Variants in BYSL observed in about 807,000 individuals in gnomAD.
BYSL encodes bystin.
In BYSL, 21 loss-of-function variants were observed where a neutral mutation model predicts 45.4. That is an observed-to-expected ratio of 0.46 (90% CI 0.33 to 0.67). BYSL has a LOEUF of 0.67. Ranked by LOEUF, BYSL falls within the 30% of genes least tolerant of loss-of-function variation. BYSL has a pLI of 0.02. For missense variants in BYSL, 522 were observed against 578.5 expected (o/e 0.90, Z 1.00); for synonymous variants, 215 against 231.3 (o/e 0.93, Z 0.64).
At chr6:41,927,026 G>A (rs1028066315) in intron 1 of BYSL, among the ~76,000 whole-genome samples, 1 of 151,158 alleles carries the variant, frequency 6.6e-6, no homozygotes, top group Admixed American at 6.6e-5. Context: ...CCCGGGAGGC[G>A]GAGCTTGCAG....
the BYSL span, among the ~76,000 whole-genome samples, chr6:41,910,903 G>A: frequency 4.1e-3 from 630 of 151,928 alleles, 7 homozygotes; most frequent in African/African-American, 0.014. Flanking sequence ...GAGGTCAGGA[G>A]TTCGAGACCA....
chr6:41,921,172 C>T (rs1178383686), upstream of BYSL: 3 of 976,204 alleles, frequency 3.1e-6, no homozygotes, highest in African/African-American at 3.4e-5. Flanking sequence ...ACGCCTTCCC[C>T]AAGGAATGGG....
chr6:41,927,390 G>A lies in BYSL; in HGVS notation c.285G>A (p.Gln95=), dbSNP rs1277562275. The A allele has an allele frequency of 2.5e-6, 4 of 1,614,128 alleles. No individual in the cohort carries two copies. The highest frequency in any genetic ancestry group is 3.4e-6 in the Non-Finnish European group (4 of 1,180,012). Residue 95 remains glutamine, a synonymous_variant, in exon 2 of 7, where the codon CAG becomes CAA. Coordinates refer to ENST00000230340, the MANE Select transcript of BYSL (RefSeq NM_004053.4). ...RTTRLGPRMP[Q]DGSDDEDEEW... ...CTCTTCTAGGTCCAAGAATGCCTCA[G>A]GATGGATCAGATGACGAGGACGAGG...
At position 41,921,582 on chromosome 6, in the gene BYSL, C is replaced by T; in HGVS notation, c.20C>T (p.Ala7Val). 3 of 1,583,326 alleles carry T rather than the reference C, an allele frequency of 1.9e-6. No individual in the cohort carries two copies. Among genetic ancestry groups the T allele is most frequent in the Non-Finnish European group, 2.6e-6 (3 of 1,163,102 alleles). Residue 7 changes from alanine (A) to valine (V), a missense_variant, in exon 1 of 7, where the codon GCC (alanine) becomes GTC (valine). Coordinates refer to ENST00000230340, the MANE Select transcript of BYSL (RefSeq NM_004053.4). ...AGAAAAATGCCCAAATTCAAGGCGG[C>T]CCGTGGGGTGGGGGGTCAGGAAAAA... MPKFKA[A>V]RGVGGQEKHA... is the part of the protein sequence containing the mutation.
At position 41,921,587 on chromosome 6, in the gene BYSL, G is replaced by T; in HGVS notation, c.25G>T (p.Gly9Trp). MPKFKAAR[G>W]VGGQEKHAPL... is the part of the protein sequence containing the mutation. ...AATGCCCAAATTCAAGGCGGCCCGTGGGGTGGGGGGTCAGGAAAAACATGC... is the reference window on the plus strand; with the variant it reads ...AATGCCCAAATTCAAGGCGGCCCGTTGGGTGGGGGGTCAGGAAAAACATGC... Residue 9 changes from glycine to tryptophan, a missense_variant, in exon 1 of 7, where the codon GGG becomes TGG. Gly to Trp is a radical substitution (Grantham distance 184). Coordinates refer to ENST00000230340, the MANE Select transcript of BYSL (RefSeq NM_004053.4). The T allele has an allele frequency of 6.3e-7, 1 of 1,585,544 alleles. No individual in the cohort carries two copies. The highest frequency in any genetic ancestry group is 1.1e-5 in the South Asian group (1 of 88,826).
chr6:41,924,429 A>G (rs1775535975), intron 1 of BYSL, among the ~76,000 whole-genome samples: 1 of 152,152 alleles, frequency 6.6e-6, no homozygotes, highest in South Asian at 2.1e-4. Context: ...TGTCTCTTCC[A>G]TTTAGACAGG....
intron 2 of BYSL, among the ~76,000 whole-genome samples, chr6:41,928,522 T>C (rs1244799204): frequency 1.3e-5 from 2 of 152,212 alleles, no homozygotes; most frequent in Non-Finnish European, 2.9e-5. Context: ...TCATAACTCC[T>C]ACTTCACTGA....
chr6:41,930,699 A>C lies in BYSL; in HGVS notation c.635A>C (p.Asn212Thr), dbSNP rs757062081. The change falls in exon 4 of 7, where the codon AAC becomes ACC. Residue 212 changes from asparagine (N) to threonine (T), a missense_variant. Asn to Thr is a moderately conservative substitution (Grantham distance 65). Coordinates refer to ENST00000230340, the MANE Select transcript of BYSL (RefSeq NM_004053.4). ...KAFKIIPALS[N>T]WEQILYVTEP... ...TTTAAGATCATCCCTGCACTCTCCA[A>C]CTGGGAGCAAATCCTCTACGTCACA... 6.2e-7 allele frequency: 1 copy of C among 1,614,062 alleles called. No individual in the cohort carries two copies. Among genetic ancestry groups the C allele is most frequent in the East Asian group, 2.2e-5 (1 of 44,868 alleles).
chr6:41,920,787 AC>A, upstream of BYSL: 37 of 499,698 alleles, frequency 7.4e-5, no homozygotes, highest in East Asian at 1.0e-3. Flanking sequence ...ACAAAACAAA[AC>A]AAAAAAAAAA....
At chr6:41,918,775 G>A (rs1294071179), upstream of BYSL, among the ~76,000 whole-genome samples, 2 of 150,154 alleles carry the variant, frequency 1.3e-5, no homozygotes, top group Non-Finnish European at 3.0e-5. Flanking sequence ...GTGAAACCCC[G>A]TCTCTACTAA....
At chr6:41,914,088 C>T in the BYSL span, among the ~76,000 whole-genome samples, 14 of 152,126 alleles carry the variant, frequency 9.2e-5, no homozygotes, top group African/African-American at 3.1e-4. Flanking sequence ...AACAAATACA[C>T]GGGTTGGAAG....
upstream of BYSL, chr6:41,920,887 C>G (rs577765780): frequency 5.9e-5 from 80 of 1,359,880 alleles, 1 homozygote; most frequent in South Asian, 1.2e-3. Flanking sequence ...ATCCTCTCAT[C>G]TACACAACCC....
At chr6:41,929,594 T>G (rs529755309) in intron 2 of BYSL, among the ~76,000 whole-genome samples, 1 of 152,184 alleles carries the variant, frequency 6.6e-6, no homozygotes, top group Non-Finnish European at 1.5e-5. Context: ...AAGATAAGAT[T>G]ATGTTTGATA....
Position 41,921,750 on chromosome 6 carries a change from G to C in BYSL, c.188G>C (p.Arg63Pro). Residue 63 changes from arginine to proline, a missense_variant, in exon 1 of 7, where the codon CGG (arginine) becomes CCG (proline). Arg to Pro is a moderately radical substitution (Grantham distance 103). Transcript: ENST00000230340. ...RLSRRILQQA[R>P]QQQEELEAEH... Reference sequence around the variant, plus strand: ...AGCCGACGGATTTTGCAGCAAGCACGGCAGCAACAGGAGGAACTCGAGGCC... The same window carrying C: ...AGCCGACGGATTTTGCAGCAAGCACCGCAGCAACAGGAGGAACTCGAGGCC... 6.2e-7 allele frequency: 1 copy of C among 1,613,612 alleles called. No homozygotes were observed. Among genetic ancestry groups the C allele is most frequent in the Non-Finnish European group, 8.5e-7 (1 of 1,179,906 alleles).
intron 1 of BYSL, among the ~76,000 whole-genome samples, chr6:41,927,075 CAG>C (rs963327454): frequency 7.0e-6 from 1 of 143,718 alleles, no homozygotes; most frequent in Non-Finnish European, 1.5e-5. Flanking sequence ...GTGTGGGTGA[CAG>C]AGCAAGACTC....
chr6:41,921,070 C>T, upstream of BYSL: 1 of 1,604,424 alleles, frequency 6.2e-7, no homozygotes, highest in Non-Finnish European at 8.5e-7. Context: ...GCAGGGTTCC[C>T]TGTCCGCCCA....
chr6:41,923,535 C>T (rs1462555039), intron 1 of BYSL, among the ~76,000 whole-genome samples: 1 of 152,024 alleles, frequency 6.6e-6, no homozygotes, highest in Admixed American at 6.5e-5. Context: ...GACTTCAGGT[C>T]ATCGTCCACC....
chr6:41,924,699 T>C (rs922525542), intron 1 of BYSL, among the ~76,000 whole-genome samples: 1 of 152,292 alleles, frequency 6.6e-6, no homozygotes, highest in African/African-American at 2.4e-5. Context: ...GGGAAGCTAC[T>C]GGAGAATTTT....
At chr6:41,909,614 C>G in the BYSL span, 7 of 1,537,638 alleles carry the variant, frequency 4.6e-6, no homozygotes, top group East Asian at 1.4e-4. Context: ...TGAGGCCAGA[C>G]AGCAATCTGG....
Sources: allele counts gnomAD v4.1 joint callset (sites outside exome capture counted in the v4.1 genomes callset), GRCh38; gene constraint gnomAD v4.1.1; transcripts MANE v1.5; gene names NCBI Gene and HGNC (gene_info 2026-07-23, HGNC 2026-07-21).